The following PTCHD4 variants were observed in gnomAD, a reference collection of about 807,000 sequenced individuals.
PTCHD4 encodes the protein patched domain containing 4, also known as patched domain-containing protein 4.
In PTCHD4, 33 loss-of-function variants were observed where a neutral mutation model predicts 58.1. The ratio of observed to expected loss-of-function variants is 0.57; its 90% CI spans 0.43 to 0.76. The LOEUF (loss-of-function observed/expected upper bound fraction) is 0.76. Ranked by LOEUF, PTCHD4 falls within the 30% of genes least tolerant of loss-of-function variation. The probability of loss-of-function intolerance (pLI) is 0.00; values close to 1 mark genes in which losing one functional copy is unlikely to be tolerated. For missense variants in PTCHD4, 1,058 were observed against 1,027.1 expected (o/e 1.03, Z -0.41); for synonymous variants, 478 against 409.6 (o/e 1.17, Z -2.02).
chr6:48,073,548 G>A (rs1765012595), intron 1 of PTCHD4, among the ~76,000 whole-genome samples: 1 of 152,154 alleles, frequency 6.6e-6, no homozygotes, highest in South Asian at 2.1e-4. Flanking sequence ...AGCCTCCAAA[G>A]CTCAGTGGAA....
rs573567049 is a variant in PTCHD4, at chr6:47,868,052, C to A, written c.*10251G>T. On this transcript the variant is annotated 3_prime_UTR_variant, in exon 5 of 5. Transcript: ENST00000339488. ...TAGATATGTCAGGGTTTTTCTGAAA[C>A]TTTCCAATGTGTTCCTTTGTTTTTA... Among the ~76,000 whole-genome samples the A allele has an allele frequency of 1.3e-5, 2 of 151,602 alleles. No individual in the cohort carries two copies. Among genetic ancestry groups the A allele is most frequent in the Non-Finnish European group, 3.0e-5 (2 of 67,722 alleles).
chr6:48,042,256 A>T (rs2114153480), intron 3 of PTCHD4, among the ~76,000 whole-genome samples: 1 of 152,056 alleles, frequency 6.6e-6, no homozygotes, highest in South Asian at 2.1e-4. Context: ...AAGCCCCCAA[A>T]CAGGTGATTT....
rs1190786985 is a variant in PTCHD4, at chr6:47,867,926, T to G, written c.*10377A>C. On this transcript the variant is annotated 3_prime_UTR_variant, in exon 5 of 5. Coordinates refer to ENST00000339488, the MANE Select transcript of PTCHD4 (RefSeq NM_001384253.1). ...TAAATAGGTACAATCACAAGCCATCTAGGGGTACTTCAGAAACCCATCTAC... is the reference window on the plus strand; with the variant it reads ...TAAATAGGTACAATCACAAGCCATCGAGGGGTACTTCAGAAACCCATCTAC... Among the ~76,000 whole-genome samples, 1 of 151,716 alleles carries G rather than the reference T, an allele frequency of 6.6e-6. No individual in the cohort carries two copies. Among genetic ancestry groups the G allele is most frequent in the Non-Finnish European group, 1.5e-5 (1 of 67,786 alleles).
At chr6:47,961,987 T>C (rs1050973064) in intron 4 of PTCHD4, among the ~76,000 whole-genome samples, 1 of 152,058 alleles carries the variant, frequency 6.6e-6, no homozygotes, top group Non-Finnish European at 1.5e-5. Flanking sequence ...GCTTGTTCTT[T>C]GAGAAGACAG....
chr6:48,025,594 T>G (rs1470181058), intron 3 of PTCHD4, among the ~76,000 whole-genome samples: 3 of 152,198 alleles, frequency 2.0e-5, no homozygotes, highest in Admixed American at 2.0e-4. Context: ...ATTCTTCACT[T>G]ACATGGAAGT....
rs892735027 is a variant in PTCHD4 at position 47,857,894 on chromosome 6, T to C, written c.*20409A>G. 2.0e-5 allele frequency among the ~76,000 whole-genome samples: 3 copies of C among 152,020 alleles called. No homozygotes were observed. The highest frequency in any genetic ancestry group is 7.2e-5 in the African/African-American group (3 of 41,402). On this transcript the variant is annotated 3_prime_UTR_variant, in exon 5 of 5. Coordinates refer to ENST00000339488, the MANE Select transcript of PTCHD4 (RefSeq NM_001384253.1). ...ATTATAATAATTTTTTAGCAAACTG[T>C]AACTATAAATAGTTCTATATCAAGG... is the stretch of plus-strand genomic sequence containing the variant.
intron 1 of PTCHD4, among the ~76,000 whole-genome samples, chr6:48,110,631 C>CCA (rs367594403): frequency 0.023 from 3,258 of 139,246 alleles, 42 homozygotes; most frequent in South Asian, 0.052. Context: ...GATGGTTTTA[C>CCA]CACACACACA....
rs150173235 is a variant in PTCHD4 at position 47,975,393 on chromosome 6, C to T, written c.898+33241G>A. Among the ~76,000 whole-genome samples, 16 of 152,118 alleles carry T rather than the reference C, an allele frequency of 1.1e-4. No individual in the cohort carries two copies. The East Asian group carries it at 1.7e-3, about 17-fold the overall frequency. On this transcript the variant is annotated intron_variant, in intron 4 of 4. Coordinates refer to ENST00000339488, the MANE Select transcript of PTCHD4 (RefSeq NM_001384253.1). ...TGTTTTCCTAATCTTCTTTTTTTTA[C>T]ATTTTTTAAAAAAATTATATTTTAC...
intron 1 of PTCHD4, among the ~76,000 whole-genome samples, chr6:48,085,551 A>C (rs1232745683): frequency 6.6e-6 from 1 of 152,186 alleles, no homozygotes; most frequent in Admixed American, 6.5e-5. Flanking sequence ...CTGACTATTG[A>C]TATACTCACA....
chr6:48,104,932 G>A (rs544203966), intron 1 of PTCHD4, among the ~76,000 whole-genome samples: 41 of 152,198 alleles, frequency 2.7e-4, no homozygotes, highest in African/African-American at 9.9e-4. Context: ...CCCAATACAG[G>A]AGCACCCAGA....
chr6:48,082,012 G>T (rs905378991), intron 1 of PTCHD4, among the ~76,000 whole-genome samples: 14 of 152,184 alleles, frequency 9.2e-5, no homozygotes, highest in African/African-American at 3.1e-4. Context: ...TATTCAGGCT[G>T]TTGAGTGGAA....
intron 3 of PTCHD4, among the ~76,000 whole-genome samples, chr6:48,066,216 A>G (rs974500504): frequency 6.6e-6 from 1 of 151,966 alleles, no homozygotes; most frequent in African/African-American, 2.4e-5. Flanking sequence ...TGCTTAGGAG[A>G]GCATTTAGTA....
At position 48,068,676 on chromosome 6, in the gene PTCHD4, G is replaced by C; in HGVS notation, c.6-35C>G. 6.6e-7 allele frequency: 1 copy of C among 1,511,278 alleles called. No homozygotes were observed. The highest frequency in any genetic ancestry group is 8.8e-7 in the Non-Finnish European group (1 of 1,133,570). 93.6% of individuals were successfully genotyped at this position (1,511,278 alleles called of 1,614,324 possible). On this transcript the variant is annotated intron_variant, in intron 2 of 4. Coordinates refer to ENST00000339488, the MANE Select transcript of PTCHD4 (RefSeq NM_001384253.1). This position sits in a 1 kb window ranked among gnomAD's most constrained non-coding sequence, Gnocchi z 4.2. ...CACATGTGACATGTGTAAGCGCCGG[G>C]CTACCCCGTTCTCCCCCATCCCACC...
Position 47,866,414 on chromosome 6 carries a change from C to T in PTCHD4, c.*11889G>A, listed in dbSNP as rs1320364992. 6.6e-6 allele frequency among the ~76,000 whole-genome samples: 1 copy of T among 151,774 alleles called. No individual in the cohort carries two copies. Among genetic ancestry groups the T allele is most frequent in the Admixed American group, 6.6e-5 (1 of 15,192 alleles). On this transcript the variant is annotated 3_prime_UTR_variant, in exon 5 of 5. Transcript: ENST00000339488. ...CATCTCTCTAGGTCATTCCAAAGTA[C>T]AGCAAATTTTGAGAACCACTAGCTT...
At position 48,069,437 on chromosome 6, in the gene PTCHD4, T is replaced by C. The variant is rs928253518; in HGVS notation, c.-480A>G. Among the ~76,000 whole-genome samples, 3 of 152,206 alleles carry C rather than the reference T, an allele frequency of 2.0e-5. No individual in the cohort carries two copies. The highest frequency in any genetic ancestry group is 6.5e-5 in the Admixed American group (1 of 15,296). ...GTTTCCCTGTGCCCTCGAATTCTGC[T>C]TTTCAGCGAAGAAAAGGAGCAGAGA... On this transcript the variant is annotated 5_prime_UTR_variant, in exon 2 of 5. Coordinates refer to ENST00000339488, the MANE Select transcript of PTCHD4 (RefSeq NM_001384253.1).
intron 3 of PTCHD4, among the ~76,000 whole-genome samples, chr6:48,036,658 A>G (rs1050930006): frequency 3.3e-5 from 5 of 152,146 alleles, no homozygotes; most frequent in African/African-American, 1.2e-4. Context: ...TCAAAACACA[A>G]GAGTAGGGAT....
At chr6:48,077,357 A>G (rs1207338888) in intron 1 of PTCHD4, among the ~76,000 whole-genome samples, 22 of 152,242 alleles carry the variant, frequency 1.4e-4, no homozygotes. Flanking sequence ...TTCTTCTAGT[A>G]TAAAGCTGCT....
chr6:48,041,222 A>G (rs760117776), intron 3 of PTCHD4, among the ~76,000 whole-genome samples: 5 of 151,994 alleles, frequency 3.3e-5, no homozygotes, highest in Admixed American at 1.3e-4. Context: ...TTGACTCTCA[A>G]TTTTCACAAA....
At chr6:48,005,209 C>T (rs1762387087) in intron 4 of PTCHD4, among the ~76,000 whole-genome samples, 1 of 152,114 alleles carries the variant, frequency 6.6e-6, no homozygotes, top group Admixed American at 6.6e-5. Flanking sequence ...GCAAGATAGG[C>T]AGTCGAAGAG....
Sources: allele counts gnomAD v4.1 joint callset (sites outside exome capture counted in the v4.1 genomes callset), GRCh38; gene constraint gnomAD v4.1.1; non-coding constraint Gnocchi (gnomAD v3.1); transcripts MANE v1.5; gene names NCBI Gene and HGNC (gene_info 2026-07-23, HGNC 2026-07-21).